Variants in GAS7 observed in about 807,000 individuals in gnomAD.
The protein encoded by GAS7 is growth arrest-specific protein 7.
Under a neutral mutation model 71.1 loss-of-function variants are expected in GAS7, and 28 were observed. The observed-to-expected ratio is 0.39, with a 90% confidence interval of 0.29 to 0.54. GAS7 has a LOEUF of 0.54. GAS7 is among the 20% of genes least tolerant of loss of function. GAS7 has a pLI of 0.62. For synonymous variants in GAS7, 258 were observed against 245.8 expected, an observed-to-expected ratio of 1.05 and a Z score of -0.46; for missense variants, 436 against 627.8, an observed-to-expected ratio of 0.69 and a Z score of 3.27.
intron 1 of GAS7, among the ~76,000 whole-genome samples, chr17:10,067,567 G>T (rs2073295108): frequency 6.6e-6 from 1 of 152,136 alleles, no homozygotes; most frequent in Non-Finnish European, 1.5e-5. Flanking sequence ...GCTTACCTCA[G>T]CCCTATACCC....
chr17:10,105,557 T>C (rs1193924579), intron 1 of GAS7, among the ~76,000 whole-genome samples: 1 of 152,128 alleles, frequency 6.6e-6, no homozygotes, highest in Admixed American at 6.5e-5. Context: ...ATGACACTTT[T>C]GCACTTGCTG....
At chr17:10,174,017 G>C (rs1321511822) in intron 1 of GAS7, among the ~76,000 whole-genome samples, 2 of 152,160 alleles carry the variant, frequency 1.3e-5, no homozygotes, top group Non-Finnish European at 2.9e-5. Context: ...CTTTATACTG[G>C]CTGAACTGTT....
intron 2 of GAS7, among the ~76,000 whole-genome samples, chr17:9,989,002 C>A (rs2070744111): frequency 6.6e-6 from 1 of 152,088 alleles, no homozygotes; most frequent in South Asian, 2.1e-4. Context: ...GAGCCTGCCA[C>A]CACGCCCGGC....
rs559105665 is a variant in GAS7, at chr17:10,125,681, G to A, written c.183+72527C>T. On this transcript the variant is annotated intron_variant, in intron 1 of 13. Coordinates refer to ENST00000432992, the MANE Select transcript of GAS7 (RefSeq NM_201433.2). The stretch of plus-strand genomic sequence containing the variant: ...GGAGGGAGGAGGGCAGGGTGGTGTA[G>A]AGAATGAGGCCCGGGTGTGAGGGGG... Among the ~76,000 whole-genome samples the A allele has an allele frequency of 5.9e-5, 9 of 152,138 alleles. No homozygotes were observed. The East Asian group carries it at 1.7e-3, about 29-fold the overall frequency.
chr17:10,131,307 A>G (rs1426200037), intron 1 of GAS7, among the ~76,000 whole-genome samples: 1 of 152,264 alleles, frequency 6.6e-6, no homozygotes, highest in African/African-American at 2.4e-5. Flanking sequence ...TGCTTGGGTT[A>G]GCAATCAGAA....
chr17:9,972,533 C>G (rs558413395), intron 3 of GAS7, among the ~76,000 whole-genome samples: 2 of 152,058 alleles, frequency 1.3e-5, no homozygotes, highest in Non-Finnish European at 2.9e-5. Flanking sequence ...AAAGAAGACC[C>G]GAATAATTTA....
chr17:9,917,131 C>G lies in GAS7; in HGVS notation c.*97G>C. The G allele has an allele frequency of 2.5e-6, 2 of 811,822 alleles. No individual in the cohort carries two copies. Among genetic ancestry groups the G allele is most frequent in the South Asian group, 2.7e-5 (2 of 73,048 alleles). The allele number at this position is 811,822 out of a possible 1,614,324, so 50.3% of individuals were successfully genotyped here. The stretch of plus-strand genomic sequence containing the variant: ...GCTCTCTCCCCTCTCCTCAGTGGCC[C>G]AGGAGAGAGGGTGGGGGGCATCCAC... On this transcript the variant is annotated 3_prime_UTR_variant, in exon 14 of 14. Transcript: ENST00000432992.
chr17:10,104,192 CAAT>C (rs2073736135), intron 1 of GAS7, among the ~76,000 whole-genome samples: 1 of 152,172 alleles, frequency 6.6e-6, no homozygotes, highest in African/African-American at 2.4e-5. Flanking sequence ...CTACTCTCCA[CAAT>C]GTCACCAGTG....
chr17:10,019,408 T>C lies in GAS7; in HGVS notation c.304+369A>G, dbSNP rs11655378. Among the ~76,000 whole-genome samples, 732 of 152,272 alleles carry C rather than the reference T, an allele frequency of 4.8e-3. 5 individuals carry two copies. The highest frequency in any genetic ancestry group is 7.8e-3 in the Non-Finnish European group (529 of 68,014). ...ATTCCAAGACATCATGCAGTGACTT[T>C]GCCTCGTTCATTTTATTCAAGCCAG... On this transcript the variant is annotated intron_variant, in intron 2 of 13. Coordinates refer to ENST00000432992, the MANE Select transcript of GAS7 (RefSeq NM_201433.2).
At chr17:10,061,910 A>G (rs1161606021) in intron 1 of GAS7, among the ~76,000 whole-genome samples, 1 of 152,184 alleles carries the variant, frequency 6.6e-6, no homozygotes, top group East Asian at 1.9e-4. Context: ...CCAGGGGCCA[A>G]TGGGGCAATA....
Position 9,946,895 on chromosome 17 carries a change from C to A in GAS7, c.614G>T (p.Trp205Leu). 6.2e-7 allele frequency: 1 copy of A among 1,607,008 alleles called. No homozygotes were observed. Among genetic ancestry groups the A allele is most frequent in the South Asian group, 1.1e-5 (1 of 90,886 alleles). ...GGGGGAAACTGAGGCGCTGCTTACC[C>A]AGAAGTAGTCGCAGTAGCTCCACTC... Reference protein sequence around the residue: ...PTEWSYCDYFWADKKDPQGNG... With the variant: ...PTEWSYCDYFLADKKDPQGNG... The change falls in exon 6 of 14, where the codon TGG (tryptophan) becomes TTG (leucine). Residue 205 changes from tryptophan (W) to leucine (L), a missense_variant and splice_region_variant. Transcript: ENST00000432992.
intron 1 of GAS7, among the ~76,000 whole-genome samples, chr17:10,060,900 C>T (rs978156531): frequency 2.0e-5 from 3 of 152,128 alleles, no homozygotes; most frequent in African/African-American, 7.2e-5. Flanking sequence ...GCCTTGGACA[C>T]ATTTATGGGT....
At chr17:10,023,803 T>G (rs143740406) in intron 1 of GAS7, among the ~76,000 whole-genome samples, 1 of 152,300 alleles carries the variant, frequency 6.6e-6, no homozygotes, top group East Asian at 1.9e-4. Context: ...GTAAATATTT[T>G]GTCATGTGTA....
intron 2 of GAS7, among the ~76,000 whole-genome samples, chr17:10,009,090 G>C (rs995081110): frequency 2.6e-5 from 4 of 152,000 alleles, no homozygotes; most frequent in African/African-American, 4.8e-5. Context: ...GGAGGCCGAG[G>C]CGGGCGGATC....
At chr17:9,970,396 G>A (rs112091543) in intron 3 of GAS7, among the ~76,000 whole-genome samples, 3,351 of 152,234 alleles carry the variant, frequency 0.022, 107 homozygotes, top group African/African-American at 0.07. Context: ...TTGTGAGGCC[G>A]AGGTGGGCGG....
intron 1 of GAS7, among the ~76,000 whole-genome samples, chr17:10,050,437 C>T (rs2073046739): frequency 6.6e-6 from 1 of 152,180 alleles, no homozygotes; most frequent in African/African-American, 2.4e-5. Flanking sequence ...GGAGACAGAG[C>T]TTGGACACCG....
At chr17:10,116,139 CATCTCT>C (rs1262556730) in intron 1 of GAS7, among the ~76,000 whole-genome samples, 1 of 152,152 alleles carries the variant, frequency 6.6e-6, no homozygotes, top group Non-Finnish European at 1.5e-5. Flanking sequence ...GGCCAAACCC[CATCTCT>C]ACTAAAAGTA....
chr17:10,148,255 T>C (rs1424573949), intron 1 of GAS7, among the ~76,000 whole-genome samples: 1 of 152,108 alleles, frequency 6.6e-6, no homozygotes, highest in Non-Finnish European at 1.5e-5. Context: ...TGGTTTCGGT[T>C]AACCTAGACC....
chr17:10,017,218 A>T (rs1001861177), intron 2 of GAS7, among the ~76,000 whole-genome samples: 1 of 152,098 alleles, frequency 6.6e-6, no homozygotes, highest in African/African-American at 2.4e-5. Context: ...TTGTGGAGCC[A>T]ACAGACAGCC....
Sources: allele counts gnomAD v4.1 joint callset (sites outside exome capture counted in the v4.1 genomes callset), GRCh38; gene constraint gnomAD v4.1.1; transcripts MANE v1.5; gene names NCBI Gene and HGNC (gene_info 2026-07-23, HGNC 2026-07-21).